RUFY2: variants seen among roughly 807,000 people sequenced by gnomAD.
RUFY2 encodes RUN and FYVE domain containing 2.
Under a neutral mutation model 94.4 loss-of-function variants are expected in RUFY2, and 49 were observed. The ratio of observed to expected loss-of-function variants is 0.52; its 90% CI spans 0.41 to 0.66. The LOEUF is 0.66. RUFY2 is among the 30% of genes least tolerant of loss of function. The probability of loss-of-function intolerance (pLI) is 0.00; values close to 1 mark genes in which losing one functional copy is unlikely to be tolerated. For synonymous variants in RUFY2, 255 were observed against 235.7 expected, an observed-to-expected ratio of 1.08 and a Z score of -0.75; for missense variants, 541 against 692.8, an observed-to-expected ratio of 0.78 and a Z score of 2.46.
chr10:68,383,735 G>T, intron 10 of RUFY2, 63 bp downstream of exon 10: 2 of 1,128,226 alleles, frequency 1.8e-6, no homozygotes, highest in Non-Finnish European at 2.7e-6. Context: ...TTTAAATGGT[G>T]CTTGCTTGAG....
rs1326521638 is a variant in RUFY2 at position 68,345,527 on chromosome 10, C to T, written c.*241G>A. ...GATAAGGCAAGTTGTGTTAGCTCTG[C>T]TCTCTGGCCTTTTAATGAGTTACAT... On this transcript the variant is annotated 3_prime_UTR_variant, in exon 18 of 18. Transcript: ENST00000602465. 14 of 461,500 alleles carry T rather than the reference C, an allele frequency of 3.0e-5. No homozygotes were observed. Among genetic ancestry groups the T allele is most frequent in the Non-Finnish European group, 5.3e-5 (14 of 263,628 alleles). 28.6% of individuals were successfully genotyped at this position (461,500 alleles called of 1,614,324 possible). A position where few individuals can be genotyped will look rare whatever the true frequency, so the allele number is the denominator to read the frequency against.
At position 68,347,442 on chromosome 10, in the gene RUFY2, C is replaced by A. The variant is rs192037778; in HGVS notation, c.1600-1358G>T. On this transcript the variant is annotated intron_variant, in intron 16 of 17. Coordinates refer to ENST00000602465, the MANE Select transcript of RUFY2 (RefSeq NM_001330103.2). Reference sequence around the variant, plus strand: ...GGGATTACAGGCACACGCCACCATGCCCGGCTAATTTTTGTATTTTTAGTA... The same window carrying A: ...GGGATTACAGGCACACGCCACCATGACCGGCTAATTTTTGTATTTTTAGTA... Among the ~76,000 whole-genome samples, 24 of 152,124 alleles carry A rather than the reference C, an allele frequency of 1.6e-4. No homozygotes were observed. In the East Asian group the frequency reaches 4.6e-3, roughly 29 times the overall value.
chr10:68,341,508 T>C, downstream of RUFY2: 1 of 1,126,728 alleles, frequency 8.9e-7, no homozygotes, highest in South Asian at 1.4e-5. Context: ...TTAATTGATC[T>C]TTTTTACAAA....
At chr10:68,376,239 A>C (rs1018092123) in intron 13 of RUFY2, among the ~76,000 whole-genome samples, 4 of 150,868 alleles carry the variant, frequency 2.7e-5, no homozygotes, top group African/African-American at 9.7e-5. Flanking sequence ...CAGCCTGGTC[A>C]ACATGGTGAA....
chr10:68,348,429 A>T (rs1473590172), intron 16 of RUFY2, among the ~76,000 whole-genome samples: 3 of 150,914 alleles, frequency 2.0e-5, no homozygotes, highest in Non-Finnish European at 1.5e-5. Flanking sequence ...AGGTGGGAGG[A>T]TTGCTTAAAC....
At chr10:68,385,157 A>C (rs1408960603) in intron 8 of RUFY2, among the ~76,000 whole-genome samples, 1 of 151,962 alleles carries the variant, frequency 6.6e-6, no homozygotes, top group African/African-American at 2.4e-5. Context: ...CCAGCTACTC[A>C]GGAGGCTGAG....
Position 68,396,768 on chromosome 10 carries a change from A to T in RUFY2, c.398+12T>A. On this transcript the variant is annotated intron_variant, in intron 4 of 17. Coordinates refer to ENST00000602465, the MANE Select transcript of RUFY2 (RefSeq NM_001330103.2). ...ATAAAAAATGAAAAGATCACGACTT[A>T]ATAGTACTAACCTCAAGAGATCCCT... 1 of 1,564,730 alleles carries T rather than the reference A, an allele frequency of 6.4e-7. No homozygotes were observed. Among genetic ancestry groups the T allele is most frequent in the Non-Finnish European group, 8.8e-7 (1 of 1,137,958 alleles).
Position 68,366,759 on chromosome 10 carries a change from T to TATATATATATATATATAAAA in RUFY2, c.1326-2647_1326-2646insTTTTATATATATATATATAT, listed in dbSNP as rs1235098742. Among the ~76,000 whole-genome samples the TATATATATATATATATAAAA allele has an allele frequency of 8.3e-5, 11 of 131,846 alleles. No individual in the cohort carries two copies. In the Admixed American group the frequency reaches 9.9e-4, roughly 12 times the overall value. 86.5% of individuals were successfully genotyped at this position (131,846 alleles called of 152,430 possible). A position where few individuals can be genotyped will look rare whatever the true frequency, so the allele number is the denominator to read the frequency against. Reference sequence around the variant, plus strand: ...TCTAAAATATATATATATATATATATAATATTAAATATATTAAATAAATAA... The same window carrying TATATATATATATATATAAAA: ...TCTAAAATATATATATATATATATATATATATATATATATATAAAAAATATTAAATATATTAAATAAATAA... On this transcript the variant is annotated intron_variant, in intron 13 of 17. Transcript: ENST00000602465.
At chr10:68,358,473 T>C (rs1336751716) in intron 15 of RUFY2, among the ~76,000 whole-genome samples, 1 of 152,160 alleles carries the variant, frequency 6.6e-6, no homozygotes, top group Non-Finnish European at 1.5e-5. Context: ...AATCATCACA[T>C]TTTCTTGGCT....
intron 12 of RUFY2, chr10:68,378,613 G>A (rs1253943568): frequency 6.2e-7 from 1 of 1,612,648 alleles, no homozygotes; most frequent in South Asian, 1.1e-5. Flanking sequence ...TGTCACTGCT[G>A]GCACATTTCA....
At chr10:68,385,794 T>C (rs1217523008) in intron 8 of RUFY2, among the ~76,000 whole-genome samples, 1 of 152,118 alleles carries the variant, frequency 6.6e-6, no homozygotes, top group African/African-American at 2.4e-5. Flanking sequence ...ACTGAAGAAT[T>C]TGTGTGAGTT....
intron 15 of RUFY2, among the ~76,000 whole-genome samples, chr10:68,361,624 GACAA>G (rs1223324350): frequency 2.6e-5 from 4 of 152,176 alleles, no homozygotes; most frequent in African/African-American, 9.6e-5. Flanking sequence ...GAGCTGTAAA[GACAA>G]AAACAGCTTT....
intron 3 of RUFY2, among the ~76,000 whole-genome samples, chr10:68,400,451 C>T (rs934014814): frequency 4.0e-5 from 6 of 151,794 alleles, no homozygotes; most frequent in East Asian, 1.9e-4. Context: ...CCAAGGCGGG[C>T]GGATCACAAG....
intron 8 of RUFY2, among the ~76,000 whole-genome samples, chr10:68,385,416 C>CA (rs1564830900): frequency 6.6e-6 from 1 of 151,622 alleles, no homozygotes; most frequent in African/African-American, 2.4e-5. Flanking sequence ...AGCAACTCTA[C>CA]AAAAAAGAGA....
At chr10:68,348,205 G>A (rs1426528173) in intron 16 of RUFY2, among the ~76,000 whole-genome samples, 1 of 145,080 alleles carries the variant, frequency 6.9e-6, no homozygotes, top group African/African-American at 2.6e-5. Context: ...TTTTTTTAAT[G>A]CAGGACGGGG....
intron 13 of RUFY2, among the ~76,000 whole-genome samples, chr10:68,371,912 C>G (rs2132616152): frequency 6.6e-6 from 1 of 152,228 alleles, no homozygotes; most frequent in African/African-American, 2.4e-5. Context: ...AAAAGAACTG[C>G]CAACCCAGAA....
intron 13 of RUFY2, among the ~76,000 whole-genome samples, chr10:68,371,275 A>C (rs1209301169): frequency 6.6e-6 from 1 of 152,038 alleles, no homozygotes; most frequent in Non-Finnish European, 1.5e-5. Flanking sequence ...CAAAAAAATT[A>C]GCCAGGCGTG....
At chr10:68,407,069 C>A in intron 1 of RUFY2, 117 bp downstream of exon 1, 1 of 1,485,928 alleles carries the variant, frequency 6.7e-7, no homozygotes, top group South Asian at 1.3e-5. Context: ...TGGGTTCGGG[C>A]CCCAGTTCCG....
At chr10:68,367,125 G>A (rs546607241) in intron 13 of RUFY2, among the ~76,000 whole-genome samples, 6 of 151,512 alleles carry the variant, frequency 4.0e-5, no homozygotes, top group African/African-American at 1.2e-4. Context: ...CTGAGATTGC[G>A]CCACTGCATT....
Sources: gnomAD v4.1 joint callset for allele counts (sites outside exome capture counted in the v4.1 genomes callset) on GRCh38, gnomAD v4.1.1 for gene constraint, MANE v1.5 for transcripts, NCBI Gene and HGNC (gene_info 2026-07-23, HGNC 2026-07-21) for gene names.